CD244: variants seen among roughly 807,000 people sequenced by gnomAD.
CD244 encodes natural killer cell receptor 2B4.
A neutral mutation model predicts 45.5 loss-of-function variants in CD244; 20 were observed. The observed-to-expected ratio is 0.44, with a 90% CI of 0.31 to 0.64. CD244 has a LOEUF of 0.64. CD244 is among the 30% of genes least tolerant of loss of function. CD244 has a pLI of 0.08. For missense variants in CD244, 407 were observed against 426.9 expected (o/e 0.95, Z 0.41); for synonymous variants, 185 against 160.5 (o/e 1.15, Z -1.15).
chr1:160,855,661 G>A (rs1009386687), intron 1 of CD244, among the ~76,000 whole-genome samples: 1 of 152,208 alleles, frequency 6.6e-6, no homozygotes, highest in African/African-American at 2.4e-5. Flanking sequence ...TTGTTTAGAG[G>A]AAAGAGGCCA....
chr1:160,837,592 G>A (rs1301991925), intron 5 of CD244, among the ~76,000 whole-genome samples: 2 of 152,230 alleles, frequency 1.3e-5, no homozygotes, highest in African/African-American at 4.8e-5. Flanking sequence ...CTGCGAGGCT[G>A]CACAGGGCCT....
intron 1 of CD244, among the ~76,000 whole-genome samples, chr1:160,849,217 G>A (rs1669835417): frequency 6.6e-6 from 1 of 151,620 alleles, no homozygotes; most frequent in South Asian, 2.1e-4. Flanking sequence ...TGTGGGAGCA[G>A]AGGAAAAACA....
chr1:160,841,152 G>T, intron 3 of CD244, 58 bp downstream of exon 3: 2 of 1,531,840 alleles, frequency 1.3e-6, no homozygotes, highest in Non-Finnish European at 1.8e-6. Context: ...TTGCACATGA[G>T]CCTGGTTGCG....
chr1:160,841,139 G>T, intron 3 of CD244, 71 bp downstream of exon 3: 1 of 1,461,806 alleles, frequency 6.8e-7, no homozygotes. Flanking sequence ...TACCACATCT[G>T]TCTTGCACAT....
chr1:160,836,859 G>A (rs1557832383), intron 5 of CD244, among the ~76,000 whole-genome samples: 2 of 152,132 alleles, frequency 1.3e-5, no homozygotes, highest in South Asian at 4.1e-4. Context: ...GGTTCTACTG[G>A]GAGCCAGTGG....
intron 1 of CD244, among the ~76,000 whole-genome samples, chr1:160,858,927 G>T (rs79721427): frequency 6.6e-6 from 1 of 152,156 alleles, no homozygotes; most frequent in Admixed American, 6.5e-5. Context: ...AGGAGACAAC[G>T]GTGAGCAAAA....
intron 1 of CD244, among the ~76,000 whole-genome samples, chr1:160,854,821 T>C (rs1300480249): frequency 2.0e-5 from 3 of 152,240 alleles, no homozygotes; most frequent in Non-Finnish European, 4.4e-5. Flanking sequence ...CATTTAAGAC[T>C]GGTTTGTCTG....
rs541052158 is a variant in CD244 at position 160,833,651 on chromosome 1, G to A, written c.960+400C>T. Among the ~76,000 whole-genome samples, 8 of 152,286 alleles carry A rather than the reference G, an allele frequency of 5.3e-5. No homozygotes were observed. In the East Asian group the frequency reaches 1.5e-3, roughly 29 times the overall value. On this transcript the variant is annotated intron_variant, in intron 7 of 8. Transcript: ENST00000368034. The stretch of plus-strand genomic sequence containing the variant: ...TCAAGATTGTGTCTCTCTAGATCCA[G>A]TCTACTCCTCCAGCTCCAGGCAATA...
At chr1:160,838,230 C>T (rs753916778) in intron 5 of CD244, among the ~76,000 whole-genome samples, 1 of 152,190 alleles carries the variant, frequency 6.6e-6, no homozygotes, top group Non-Finnish European at 1.5e-5. Flanking sequence ...CCAAGATGCC[C>T]CTTCAGCCTC....
chr1:160,832,514 C>G lies in CD244; in HGVS notation c.1017+5G>C, dbSNP rs376942125. 1.3e-5 allele frequency: 21 copies of G among 1,584,750 alleles called. No homozygotes were observed. The highest frequency in any genetic ancestry group is 1.7e-5 in the Non-Finnish European group (20 of 1,160,266). ...TAAACCCATTGAGGAGTTCCAGAAT[C>G]TTACCACTTCATAGATAGTGCTATT... On this transcript the variant is annotated splice_donor_5th_base_variant and intron_variant, in intron 8 of 8. Coordinates refer to ENST00000368034, the MANE Select transcript of CD244 (RefSeq NM_016382.4).
intron 5 of CD244, 98 bp downstream of exon 5, chr1:160,838,353 T>C (rs1225615228): frequency 2.6e-5 from 23 of 883,982 alleles, no homozygotes; most frequent in Non-Finnish European, 3.9e-5. Flanking sequence ...AAAAGGACAG[T>C]CGTTCAGTCC....
At position 160,853,629 on chromosome 1, in the gene CD244, AT is replaced by A. The variant is rs1351377392; in HGVS notation, c.61+8987del. 2.6e-5 allele frequency among the ~76,000 whole-genome samples: 4 copies of A among 152,208 alleles called. No homozygotes were observed. The East Asian group carries it at 7.7e-4, about 29-fold the overall frequency. On this transcript the variant is annotated intron_variant, in intron 1 of 8. Transcript: ENST00000368034. ...AATATGACTTGCCCATTGTGGAAAC[AT>A]TACCATAGCAAGTGAATTTGTAGAT...
chr1:160,853,258 A>C (rs1378689604), intron 1 of CD244, among the ~76,000 whole-genome samples: 1 of 152,232 alleles, frequency 6.6e-6, no homozygotes, highest in Non-Finnish European at 1.5e-5. Flanking sequence ...GTATTAATGA[A>C]GCTAGACTCC....
At chr1:160,835,425 T>C (rs545550544) in intron 6 of CD244, among the ~76,000 whole-genome samples, 1 of 152,296 alleles carries the variant, frequency 6.6e-6, no homozygotes, top group Admixed American at 6.5e-5. Context: ...ATTAGAACTA[T>C]TTTCATGAGG....
rs1394348362 is a variant in CD244, at chr1:160,839,140, A to G, written c.656-91T>C. On this transcript the variant is annotated intron_variant, in intron 3 of 8. Transcript: ENST00000368034. ...TGCTGCAGGGGCTGCCTCAAAACCC[A>G]CTTTTCTCTGTGTTGTGGCTGATTG... 5 of 845,718 alleles carry G rather than the reference A, an allele frequency of 5.9e-6. No individual in the cohort carries two copies. The Admixed American group carries it at 1.2e-4, about 20-fold the overall frequency. The allele number at this position is 845,718 out of a possible 1,614,324, so 52.4% of individuals were successfully genotyped here. A position where few individuals can be genotyped will look rare whatever the true frequency, so the allele number is the denominator to read the frequency against.
Position 160,839,026 on chromosome 1 carries a change from C to T in CD244, c.679G>A (p.Val227Met), listed in dbSNP as rs1669438177. The change falls in exon 4 of 9, where the codon GTG (valine) becomes ATG (methionine). Residue 227 changes from valine (V) to methionine (M), a missense_variant. By Grantham distance (21) the Val-to-Met change is conservative (BLOSUM62 1). Coordinates refer to ENST00000368034, the MANE Select transcript of CD244 (RefSeq NM_016382.4). ...AGTGCGCTTAGAATCACGATGATCA[C>T]CAAAAACGGCCAAAATCTGAATTCT... ...HQEFRFWPFL[V>M]IIVILSALFL... 1 of 1,613,648 alleles carries T rather than the reference C, an allele frequency of 6.2e-7. No homozygotes were observed. The highest frequency in any genetic ancestry group is 8.5e-7 in the Non-Finnish European group (1 of 1,179,802).
chr1:160,847,301 C>CA (rs145184843), intron 1 of CD244, among the ~76,000 whole-genome samples: 8,868 of 151,762 alleles, frequency 0.058, 744 homozygotes, highest in African/African-American at 0.19. Context: ...AAGAAGCACA[C>CA]AAAAAAATCA....
At chr1:160,837,426 A>G (rs1669372149) in intron 5 of CD244, among the ~76,000 whole-genome samples, 1 of 152,164 alleles carries the variant, frequency 6.6e-6, no homozygotes, top group African/African-American at 2.4e-5. Flanking sequence ...TATTATTCAC[A>G]TTCCAATAGC....
At position 160,841,321 on chromosome 1, in the gene CD244, C is replaced by G; in HGVS notation, c.544G>C (p.Glu182Gln). Residue 182 changes from glutamate (E) to glutamine (Q), a missense_variant, in exon 3 of 9, where the codon GAG becomes CAG. By Grantham distance (29) the Glu-to-Gln change is conservative. Coordinates refer to ENST00000368034, the MANE Select transcript of CD244 (RefSeq NM_016382.4). Reference sequence around the variant, plus strand: ...TGAGTGCCATTAATGTCAACCTCCTCGTCCAGGTAGGTGAGGTTCCCTGCT... The same window carrying G: ...TGAGTGCCATTAATGTCAACCTCCTGGTCCAGGTAGGTGAGGTTCCCTGCT... ...QTAGNLTYLD[E>Q]EVDINGTHTY... 1 of 1,614,178 alleles carries G rather than the reference C, an allele frequency of 6.2e-7. No homozygotes were observed.
Sources: allele counts gnomAD v4.1 joint callset (sites outside exome capture counted in the v4.1 genomes callset), GRCh38; gene constraint gnomAD v4.1.1; transcripts MANE v1.5; gene names NCBI Gene and HGNC (gene_info 2026-07-23, HGNC 2026-07-21).